Variants in KCTD1 observed in about 807,000 individuals in gnomAD.
The protein encoded by KCTD1 is BTB/POZ domain-containing protein KCTD1.
A neutral mutation model predicts 66.0 loss-of-function variants in KCTD1; 24 were observed. That is an observed-to-expected ratio of 0.36 (90% CI 0.26 to 0.51). The LOEUF (loss-of-function observed/expected upper bound fraction) is 0.51. Ranked by LOEUF, KCTD1 falls within the 20% of genes least tolerant of loss-of-function variation. The pLI is 0.95. For missense variants in KCTD1, 943 were observed against 1,205.2 expected, an observed-to-expected ratio of 0.78 and a Z score of 3.22; for synonymous variants, 511 against 517.2, an observed-to-expected ratio of 0.99 and a Z score of 0.16.
At chr18:26,523,433 C>T (rs1219116479) in intron 1 of KCTD1, among the ~76,000 whole-genome samples, 2 of 152,098 alleles carry the variant, frequency 1.3e-5, no homozygotes, top group African/African-American at 4.8e-5. Flanking sequence ...TAGTCCTCCC[C>T]CGGCCACCCA....
intron 1 of KCTD1, among the ~76,000 whole-genome samples, chr18:26,570,458 G>C (rs1209888219): frequency 6.6e-6 from 1 of 152,022 alleles, no homozygotes; most frequent in Non-Finnish European, 1.5e-5. Context: ...GCCCAGGCTG[G>C]AATTCAGTGG....
intron 2 of KCTD1, among the ~76,000 whole-genome samples, chr18:26,491,558 T>C (rs1982202649): frequency 6.6e-6 from 1 of 152,188 alleles, no homozygotes; most frequent in African/African-American, 2.4e-5. Context: ...ATTTATCCCA[T>C]TGCCCAGTCC....
intron 1 of KCTD1, among the ~76,000 whole-genome samples, chr18:26,582,697 A>G (rs1405093172): frequency 6.6e-6 from 1 of 152,224 alleles, no homozygotes; most frequent in Non-Finnish European, 1.5e-5. Context: ...GATACCATGC[A>G]CCTCTAGAAA....
intron 3 of KCTD1, among the ~76,000 whole-genome samples, chr18:26,471,522 A>ATG: frequency 6.6e-6 from 1 of 152,110 alleles, no homozygotes; most frequent in South Asian, 2.1e-4. Flanking sequence ...GCAACTCATG[A>ATG]TACAGTTTTT....
At chr18:26,578,476 A>G (rs950454753) in intron 1 of KCTD1, among the ~76,000 whole-genome samples, 1 of 152,190 alleles carries the variant, frequency 6.6e-6, no homozygotes, top group Non-Finnish European at 1.5e-5. Context: ...GAAGAATTAT[A>G]AAGAACTTCC....
In KCTD1 at chr18:26,468,107, C is replaced by T. The variant is rs1567957171; in HGVS notation, c.2134-8182G>A. ...CTTGGTGTGCTGAGAGTTGCAACCA[C>T]GTGTGTGTGTGTGCCTATGCATGCG... is the stretch of plus-strand genomic sequence containing the variant. On this transcript the variant is annotated intron_variant, in intron 3 of 4. Transcript: ENST00000580059. The surrounding 1 kb of genome is among the most constrained non-coding windows in gnomAD (Gnocchi z 4.8). Among the ~76,000 whole-genome samples, 2 of 152,034 alleles carry T rather than the reference C, an allele frequency of 1.3e-5. No individual in the cohort carries two copies. The highest frequency in any genetic ancestry group is 6.5e-5 in the Admixed American group (1 of 15,272).
At chr18:26,508,509 G>A (rs910691278) in intron 1 of KCTD1, among the ~76,000 whole-genome samples, 19 of 152,118 alleles carry the variant, frequency 1.2e-4, no homozygotes, top group African/African-American at 1.9e-4. Flanking sequence ...CTTATGTCAC[G>A]TTTCACTATT....
chr18:26,645,695 C>T (rs1358483706), intron 1 of KCTD1, among the ~76,000 whole-genome samples: 3 of 152,148 alleles, frequency 2.0e-5, no homozygotes, highest in African/African-American at 7.2e-5. Context: ...GCCGTGCCCA[C>T]CTGTGTGAAT....
At chr18:26,645,121 C>T (rs1312520629), upstream of KCTD1, among the ~76,000 whole-genome samples, 1 of 152,162 alleles carries the variant, frequency 6.6e-6, no homozygotes, top group Non-Finnish European at 1.5e-5. Flanking sequence ...TTTAGAAAAT[C>T]TAAGTTAGAA....
At chr18:26,539,799 GAATT>G (rs376667971) in intron 1 of KCTD1, among the ~76,000 whole-genome samples, 237 of 152,176 alleles carry the variant, frequency 1.6e-3, no homozygotes, top group African/African-American at 5.5e-3. Context: ...TGAAATATCA[GAATT>G]AATCCACAAT....
At chr18:26,516,180 G>A (rs61271862) in intron 1 of KCTD1, among the ~76,000 whole-genome samples, 3,653 of 152,166 alleles carry the variant, frequency 0.024, 155 homozygotes, top group African/African-American at 0.083. Context: ...GGAAAATATA[G>A]GAGATGAGAA....
At chr18:26,505,476 A>T (rs923520771) in intron 1 of KCTD1, among the ~76,000 whole-genome samples, 4 of 152,242 alleles carry the variant, frequency 2.6e-5, no homozygotes, top group African/African-American at 9.6e-5. Context: ...AACCCGGGAG[A>T]GGAACCCTTG....
At chr18:26,456,583 C>T (rs1980099034) in intron 4 of KCTD1, 1 of 152,024 alleles carries the variant, frequency 6.6e-6, no homozygotes, top group African/African-American at 2.4e-5. Flanking sequence ...AGACAAGAAC[C>T]AGCACAATGA....
chr18:26,472,906 C>T (rs531903018), intron 3 of KCTD1, among the ~76,000 whole-genome samples: 2 of 152,178 alleles, frequency 1.3e-5, no homozygotes, highest in African/African-American at 4.8e-5. Flanking sequence ...GCTGTGGCCT[C>T]GAAGACATGG....
intron 1 of KCTD1, among the ~76,000 whole-genome samples, chr18:26,555,957 T>C (rs1041021060): frequency 3.9e-5 from 6 of 152,156 alleles, no homozygotes; most frequent in Admixed American, 1.3e-4. Context: ...TCTGGGTGTA[T>C]TGGGGCAATT....
At chr18:26,626,726 T>C (rs80124977) in intron 1 of KCTD1, among the ~76,000 whole-genome samples, 2,139 of 152,198 alleles carry the variant, frequency 0.014, 49 homozygotes, top group African/African-American at 0.049. Context: ...CCTCCCTCTT[T>C]GGCCTTCCAA....
chr18:26,656,803 C>A (rs1369261315), intron 1 of KCTD1, among the ~76,000 whole-genome samples: 1 of 150,562 alleles, frequency 6.6e-6, no homozygotes, highest in African/African-American at 2.4e-5. Context: ...GCTCTGGGCG[C>A]CCCCGCGGCG....
intron 3 of KCTD1, among the ~76,000 whole-genome samples, chr18:26,461,853 C>T (rs1393489521): frequency 1.3e-5 from 2 of 152,178 alleles, no homozygotes; most frequent in African/African-American, 2.4e-5. Context: ...TGGTGGTTCA[C>T]GCCTGTAATC....
In KCTD1 at chr18:26,547,433, C is replaced by T. The variant is rs774311726; in HGVS notation, c.1104G>A (p.Glu368=). 8.4e-6 allele frequency: 13 copies of T among 1,551,436 alleles called. No homozygotes were observed. Among genetic ancestry groups the T allele is most frequent in the Non-Finnish European group, 1.0e-5 (12 of 1,146,862 alleles). ...RSSSWSKKRA[E]SSDEENLPRM... ...GGGGCAAGTTCTCCTCGTCGCTGCTCTCGGCGCGCTTCTTGCTCCACGACG... is the reference window on the plus strand; with the variant it reads ...GGGGCAAGTTCTCCTCGTCGCTGCTTTCGGCGCGCTTCTTGCTCCACGACG... Residue 368 remains glutamate (E), a synonymous_variant, in exon 1 of 5, where the codon GAG becomes GAA. Transcript: ENST00000580059.
Sources: allele counts gnomAD v4.1 joint callset (sites outside exome capture counted in the v4.1 genomes callset), GRCh38; gene constraint gnomAD v4.1.1; non-coding constraint Gnocchi (gnomAD v3.1); transcripts MANE v1.5; gene names NCBI Gene and HGNC (gene_info 2026-07-23, HGNC 2026-07-21).